KHNYN: variants seen among roughly 807,000 people sequenced by gnomAD.
KHNYN encodes the protein protein KHNYN.
In KHNYN, 42 loss-of-function variants were observed where a neutral mutation model predicts 62.7. The observed-to-expected ratio is 0.67, with a 90% CI of 0.52 to 0.87. The LOEUF (loss-of-function observed/expected upper bound fraction) is 0.87. KHNYN is among the 40% of genes least tolerant of loss of function. The pLI is 0.00. For synonymous variants in KHNYN, 347 were observed against 345.6 expected (o/e 1.00, Z -0.04); for missense variants, 829 against 874.1 (o/e 0.95, Z 0.65).
intron 6 of KHNYN, 26 bp from the exon 7 acceptor site, chr14:24,436,362 A>C: frequency 6.2e-7 from 1 of 1,600,044 alleles, no homozygotes; most frequent in Non-Finnish European, 8.6e-7. Flanking sequence ...CCCCTCTGTG[A>C]CCACACATTA....
At chr14:24,430,334 G>A (rs1026278342) in intron 1 of KHNYN, 1 of 725,050 alleles carries the variant, frequency 1.4e-6, no homozygotes, top group Middle Eastern at 6.8e-4. Context: ...GCAGACCAGG[G>A]CCCCCAGAGG....
chr14:24,423,639 G>A, the KHNYN span, among the ~76,000 whole-genome samples: 1 of 152,256 alleles, frequency 6.6e-6, no homozygotes, highest in Non-Finnish European at 1.5e-5. Flanking sequence ...GGATTCTGGG[G>A]AAGATGAGGG....
chr14:24,429,486 A>ATTC (rs1405312704), upstream of KHNYN: 8 of 464,834 alleles, frequency 1.7e-5, no homozygotes, highest in Non-Finnish European at 3.3e-5. Flanking sequence ...CCTTCCTCCT[A>ATTC]CTCTTCCTCT....
Position 24,432,041 on chromosome 14 carries a change from GAA to G in KHNYN, c.782_783del (p.Lys261ThrfsTer63). The part of the protein sequence containing the change: ...DTYAVEKEGG[K>X]QGGPREMDWG... ...CTTACGCTGTGGAGAAGGAGGGAGG[GAA>G]ACAGGGTGGTCCCAGGGAGATGGAT... On this transcript the variant is annotated frameshift_variant, in exon 3 of 8. Coordinates refer to ENST00000553935, the MANE Select transcript of KHNYN (RefSeq NM_015299.3). LOFTEE classifies it high-confidence loss of function. The surrounding 1 kb of genome is among the most constrained non-coding windows in gnomAD (Gnocchi z 5.6). 1.2e-6 allele frequency: 2 copies of G among 1,600,912 alleles called. No individual in the cohort carries two copies. The highest frequency in any genetic ancestry group is 8.5e-7 in the Non-Finnish European group (1 of 1,171,928).
chr14:24,429,009 G>A, upstream of KHNYN: 1 of 1,546,408 alleles, frequency 6.5e-7, no homozygotes, highest in Non-Finnish European at 8.7e-7. Context: ...GGCAGCCCGG[G>A]ACTGTGTAGG....
intron 5 of KHNYN, among the ~76,000 whole-genome samples, chr14:24,433,470 A>C (rs1369238011): frequency 6.6e-6 from 1 of 152,258 alleles, no homozygotes; most frequent in African/African-American, 2.4e-5. Flanking sequence ...CATGAATAAT[A>C]GGACTGTACA....
chr14:24,431,120 T>TTTCAGC (rs1274015676), intron 2 of KHNYN, among the ~76,000 whole-genome samples, 189 bp downstream of exon 2: 1 of 152,218 alleles, frequency 6.6e-6, no homozygotes, highest in African/African-American at 2.4e-5. Context: ...TTGTTTTCAG[T>TTTCAGC]TTCAGCTTAA....
chr14:24,438,306 CGAT>C lies in KHNYN; in HGVS notation c.*1024_*1026del, dbSNP rs1298167942. ...ATGAACACGTCGATTTTTCACCAATCGATGAAGCCATGCTCTGCAATGACAATA... is the reference window on the plus strand; with the variant it reads ...ATGAACACGTCGATTTTTCACCAATCGAAGCCATGCTCTGCAATGACAATA... On this transcript the variant is annotated 3_prime_UTR_variant, in exon 8 of 8. Transcript: ENST00000553935. 2.0e-5 allele frequency: 3 copies of C among 149,856 alleles called. No homozygotes were observed. The highest frequency in any genetic ancestry group is 4.4e-5 in the Non-Finnish European group (3 of 67,876). The allele number at this position is 149,856 out of a possible 1,614,324, so 9.3% of individuals were successfully genotyped here.
rs1594762774 is a variant in KHNYN at position 24,440,465 on chromosome 14, G to A, written c.*3180G>A. 1 of 1,609,070 alleles carries A rather than the reference G, an allele frequency of 6.2e-7. No individual in the cohort carries two copies. The highest frequency in any genetic ancestry group is 1.7e-5 in the Admixed American group (1 of 59,156). On this transcript the variant is annotated 3_prime_UTR_variant, in exon 8 of 8. Transcript: ENST00000553935. ...AAAGGGCAGCAGCATGTGGCCCATG[G>A]CACCACCCCCACGGCCCAGCACAAC... is the stretch of plus-strand genomic sequence containing the variant.
rs1242966416 is a variant in KHNYN at position 24,431,892 on chromosome 14, G to A, written c.631G>A (p.Gly211Arg). 6.2e-7 allele frequency: 1 copy of A among 1,614,032 alleles called. No homozygotes were observed. Among genetic ancestry groups the A allele is most frequent in the South Asian group, 1.1e-5 (1 of 91,082 alleles). Residue 211 changes from glycine to arginine, a missense_variant, in exon 3 of 8, where the codon GGG becomes AGG. Around this residue, in one of 2 missense-constraint regions of KHNYN, gnomAD observed 559 missense variants for 527.0 expected, o/e 1.06. Transcript: ENST00000553935. Reference sequence around the variant, plus strand: ...GCCAGGAGCACTGGCTTCTTGGGAGGGGCGGAGCTCAGCCTTGCTGGGTGC... The same window carrying A: ...GCCAGGAGCACTGGCTTCTTGGGAGAGGCGGAGCTCAGCCTTGCTGGGTGC... ...QGPGALASWE[G>R]RSSALLGAQC...
chr14:24,429,734 C>A (rs1195344213), upstream of KHNYN: 1 of 985,420 alleles, frequency 1.0e-6, no homozygotes, highest in Non-Finnish European at 1.2e-6. Context: ...GTTCCCCTTT[C>A]CGAGAAGTAA....
chr14:24,433,151 G>T, intron 5 of KHNYN, 119 bp downstream of exon 5: 1 of 910,106 alleles, frequency 1.1e-6, no homozygotes, highest in Non-Finnish European at 1.8e-6. Flanking sequence ...TGGGTAAGGG[G>T]CCAGTTATTC....
At chr14:24,425,168 T>C (rs1031568556), upstream of KHNYN, among the ~76,000 whole-genome samples, 11 of 152,184 alleles carry the variant, frequency 7.2e-5, no homozygotes, top group Non-Finnish European at 1.3e-4. Context: ...ACCACTGCAC[T>C]CCGGCCTGGT....
In KHNYN at chr14:24,437,432, C is replaced by G. The variant is rs374009447; in HGVS notation, c.*147C>G. 1.1e-6 allele frequency: 1 copy of G among 906,778 alleles called. No homozygotes were observed. The allele number at this position is 906,778 out of a possible 1,614,324, so 56.2% of individuals were successfully genotyped here. ...TCAGGGAAGCCACTTTGGGACAGGT[C>G]CATAAAGTGAACTGATCTTACCGAG... On this transcript the variant is annotated 3_prime_UTR_variant, in exon 8 of 8. Coordinates refer to ENST00000553935, the MANE Select transcript of KHNYN (RefSeq NM_015299.3). The surrounding 1 kb of genome is among the most constrained non-coding windows in gnomAD (Gnocchi z 5.5).
Position 24,430,706 on chromosome 14 carries a change from C to T in KHNYN, c.-17-8C>T. 3.2e-6 allele frequency: 5 copies of T among 1,551,852 alleles called. No individual in the cohort carries two copies. Among genetic ancestry groups the T allele is most frequent in the Non-Finnish European group, 4.4e-6 (5 of 1,147,322 alleles). ...AATGAGGCTCTGAGCTGCCTTCTCC[C>T]CTTCCAGGGCTGGGGGCAGCAGCCA... is the stretch of plus-strand genomic sequence containing the variant. On this transcript the variant is annotated splice_region_variant and splice_polypyrimidine_tract_variant and intron_variant, in intron 1 of 7. Coordinates refer to ENST00000553935, the MANE Select transcript of KHNYN (RefSeq NM_015299.3).
intron 1 of KHNYN, 127 bp from the exon 2 acceptor site, chr14:24,430,587 G>A (rs753747823): frequency 1.4e-6 from 2 of 1,442,560 alleles, no homozygotes. Context: ...TCAGATGCTT[G>A]TCACCTCCTG....
chr14:24,431,615 A>C lies in KHNYN; in HGVS notation c.354A>C (p.Ser118=), dbSNP rs1454668790. The C allele has an allele frequency of 6.2e-7, 1 of 1,613,420 alleles. No homozygotes were observed. The highest frequency in any genetic ancestry group is 2.2e-5 in the East Asian group (1 of 44,862). ...SAHLVPRAPG[S]LMISGLTEAF... ...ATCTGGTGCCCAGGGCGCCAGGCTC[A>C]CTGATGATCAGTGGCCTGACTGAAG... Residue 118 remains serine, a synonymous_variant, in exon 3 of 8, where the codon TCA becomes TCC. Transcript: ENST00000553935.
At position 24,437,340 on chromosome 14, in the gene KHNYN, G is replaced by GC. The variant is rs2043223531; in HGVS notation, c.*58dup. On this transcript the variant is annotated 3_prime_UTR_variant, in exon 8 of 8. Transcript: ENST00000553935. The surrounding 1 kb of genome is among the most constrained non-coding windows in gnomAD (Gnocchi z 5.5). ...GTCAGCTCCAGCCGCCTCCAGCTCA[G>GC]CCCTTTCTGTGAGAGTCCCTCTGCT... is the stretch of plus-strand genomic sequence containing the variant. 2 of 1,567,036 alleles carry GC rather than the reference G, an allele frequency of 1.3e-6. No homozygotes were observed. The highest frequency in any genetic ancestry group is 3.5e-5 in the Admixed American group (2 of 56,398).
At position 24,437,545 on chromosome 14, in the gene KHNYN, G is replaced by A; in HGVS notation, c.*260G>A. 5.2e-6 allele frequency: 2 copies of A among 382,952 alleles called. No homozygotes were observed. The highest frequency in any genetic ancestry group is 9.5e-6 in the Non-Finnish European group (2 of 209,972). The allele number at this position is 382,952 out of a possible 1,614,324, so 23.7% of individuals were successfully genotyped here. A position where few individuals can be genotyped will look rare whatever the true frequency, so the allele number is the denominator to read the frequency against. On this transcript the variant is annotated 3_prime_UTR_variant, in exon 8 of 8. Coordinates refer to ENST00000553935, the MANE Select transcript of KHNYN (RefSeq NM_015299.3). The surrounding 1 kb of genome is among the most constrained non-coding windows in gnomAD (Gnocchi z 5.5). Reference sequence around the variant, plus strand: ...CACAGGGTTTCTGTAGGGAGTGGGGGCTGCTAGAGGGGATTAGTTCCGGAG... The same window carrying A: ...CACAGGGTTTCTGTAGGGAGTGGGGACTGCTAGAGGGGATTAGTTCCGGAG...
Sources: allele counts gnomAD v4.1 joint callset (sites outside exome capture counted in the v4.1 genomes callset), GRCh38; gene constraint gnomAD v4.1.1; regional missense constraint gnomAD v4.1.1; non-coding constraint Gnocchi (gnomAD v3.1); transcripts MANE v1.5; gene names NCBI Gene and HGNC (gene_info 2026-07-23, HGNC 2026-07-21).